LRRC40: variants seen among roughly 807,000 people sequenced by gnomAD.
The protein encoded by LRRC40 is leucine rich repeat containing 40, also known as leucine-rich repeat-containing protein 40.
In LRRC40, 76 loss-of-function variants were observed where a neutral mutation model predicts 72.8. The ratio of observed to expected loss-of-function variants is 1.04; its 90% CI spans 0.87 to 1.26. LRRC40 has a LOEUF of 1.26. Among genes scored for constraint, LRRC40 ranks in the 50% most tolerant of loss-of-function variants. The pLI is 0.00. For missense variants in LRRC40, 684 were observed against 698.9 expected, an observed-to-expected ratio of 0.98 and a Z score of 0.24; for synonymous variants, 243 against 254.2, an observed-to-expected ratio of 0.96 and a Z score of 0.42.
At chr1:70,173,353 G>C (rs1668037779) in intron 9 of LRRC40, 112 bp downstream of exon 9, 3 of 716,482 alleles carry the variant, frequency 4.2e-6, no homozygotes, top group Non-Finnish European at 7.2e-6. Context: ...ACACATGCCA[G>C]GATCTATTAC....
intron 1 of LRRC40, among the ~76,000 whole-genome samples, chr1:70,193,765 C>A (rs75002571): frequency 0.078 from 11,839 of 151,936 alleles, 716 homozygotes; most frequent in East Asian, 0.3. Context: ...TGATCCAGTG[C>A]GAGTTATCTT....
intron 1 of LRRC40, among the ~76,000 whole-genome samples, chr1:70,190,722 T>G: frequency 9.6e-6 from 1 of 104,256 alleles, no homozygotes; most frequent in Non-Finnish European, 1.9e-5. Flanking sequence ...AGAAAAAAAC[T>G]GAGCTATCTA....
At position 70,201,272 on chromosome 1, in the gene LRRC40, C is replaced by T. The variant is rs75551774; in HGVS notation, c.151+4118G>A. On this transcript the variant is annotated intron_variant, in intron 1 of 14. Transcript: ENST00000370952. Reference sequence around the variant, plus strand: ...GATAATAACACTTTTTTTAGATTAACATATACTAAAAATACAACATGCAAG... The same window carrying T: ...GATAATAACACTTTTTTTAGATTAATATATACTAAAAATACAACATGCAAG... Among the ~76,000 whole-genome samples, 1,249 of 152,194 alleles carry T rather than the reference C, an allele frequency of 8.2e-3. 16 individuals carry two copies. Among genetic ancestry groups the T allele is most frequent in the African/African-American group, 0.029 (1,191 of 41,544 alleles).
At chr1:70,198,330 G>A (rs957037972) in intron 1 of LRRC40, among the ~76,000 whole-genome samples, 1 of 152,152 alleles carries the variant, frequency 6.6e-6, no homozygotes, top group Non-Finnish European at 1.5e-5. Flanking sequence ...CAGATCAACA[G>A]TGCAGTTTCC....
At chr1:70,151,249 T>C (rs756997877) in intron 12 of LRRC40, 44 bp from the exon 13 acceptor site, 1 of 895,904 alleles carries the variant, frequency 1.1e-6, no homozygotes, top group Non-Finnish European at 1.8e-6. Flanking sequence ...GTTTGAAAAA[T>C]TTTACAAGTT....
At chr1:70,173,296 T>G (rs528125800) in intron 9 of LRRC40, among the ~76,000 whole-genome samples, 169 bp downstream of exon 9, 3 of 152,182 alleles carry the variant, frequency 2.0e-5, no homozygotes, top group Admixed American at 6.5e-5. Flanking sequence ...AAGATATTTT[T>G]ATAACCTCAG....
At chr1:70,169,291 G>A (rs574262824) in intron 9 of LRRC40, among the ~76,000 whole-genome samples, 1 of 152,262 alleles carries the variant, frequency 6.6e-6, no homozygotes, top group Admixed American at 6.5e-5. Flanking sequence ...TGTGCTACTT[G>A]TTGCACCCTT....
intron 1 of LRRC40, among the ~76,000 whole-genome samples, chr1:70,204,909 C>A (rs1168698847): frequency 6.6e-6 from 1 of 152,108 alleles, no homozygotes; most frequent in African/African-American, 2.4e-5. Context: ...CTCATTATTC[C>A]TTGTAAGTAG....
intron 5 of LRRC40, among the ~76,000 whole-genome samples, chr1:70,179,933 G>A (rs1668204382): frequency 6.6e-6 from 1 of 151,732 alleles, no homozygotes; most frequent in Non-Finnish European, 1.5e-5. Context: ...TTAATCTAAA[G>A]CAAAACAACA....
At chr1:70,154,916 A>T (rs1007103996) in intron 11 of LRRC40, among the ~76,000 whole-genome samples, 5 of 152,146 alleles carry the variant, frequency 3.3e-5, no homozygotes, top group Admixed American at 2.6e-4. Context: ...CCTGTCCAAA[A>T]ACTATACAGC....
intron 1 of LRRC40, among the ~76,000 whole-genome samples, chr1:70,195,545 C>T (rs760967287): frequency 2.0e-5 from 3 of 152,182 alleles, no homozygotes; most frequent in Non-Finnish European, 4.4e-5. Flanking sequence ...AGACTGAATA[C>T]AAAGTGCTGG....
chr1:70,158,579 TC>T (rs1398650941), intron 10 of LRRC40, among the ~76,000 whole-genome samples: 1 of 152,188 alleles, frequency 6.6e-6, no homozygotes, highest in Non-Finnish European at 1.5e-5. Context: ...TTCATATACT[TC>T]CATAAAAAAT....
intron 9 of LRRC40, among the ~76,000 whole-genome samples, chr1:70,161,028 C>CT (rs954435103): frequency 2.0e-5 from 3 of 150,926 alleles, no homozygotes; most frequent in African/African-American, 7.3e-5. Flanking sequence ...GTACAAGTGA[C>CT]TGACAAGAAC....
chr1:70,172,528 C>T (rs1238951119), intron 9 of LRRC40, among the ~76,000 whole-genome samples: 1 of 152,102 alleles, frequency 6.6e-6, no homozygotes, highest in East Asian at 1.9e-4. Flanking sequence ...CTGTAACTTC[C>T]ACTAAGTTCA....
At chr1:70,187,239 T>C in intron 3 of LRRC40, 26 bp downstream of exon 3, 1 of 1,136,892 alleles carries the variant, frequency 8.8e-7, no homozygotes, top group Non-Finnish European at 1.3e-6. Flanking sequence ...AGGGCAATAA[T>C]ATAAGTAAAT....
intron 12 of LRRC40, 48 bp downstream of exon 12, chr1:70,152,385 G>A (rs750863608): frequency 3.1e-6 from 3 of 971,198 alleles, no homozygotes; most frequent in Admixed American, 2.1e-5. Context: ...AAAACTCAAA[G>A]ACAAGTTATA....
At chr1:70,188,511 G>T (rs758571994) in intron 2 of LRRC40, among the ~76,000 whole-genome samples, 7 of 151,958 alleles carry the variant, frequency 4.6e-5, no homozygotes, top group Non-Finnish European at 8.8e-5. Flanking sequence ...GAGGCAGGAG[G>T]AGAGTTTGAG....
At chr1:70,160,807 T>A (rs896999517) in intron 9 of LRRC40, among the ~76,000 whole-genome samples, 1 of 152,150 alleles carries the variant, frequency 6.6e-6, no homozygotes, top group Non-Finnish European at 1.5e-5. Flanking sequence ...TTGTTGTTTT[T>A]TTTAACCATG....
chr1:70,194,401 T>C (rs1668564979), intron 1 of LRRC40, among the ~76,000 whole-genome samples: 1 of 152,050 alleles, frequency 6.6e-6, no homozygotes, highest in Admixed American at 6.5e-5. Context: ...GATCTGTATA[T>C]GAAAATACAA....
Sources: allele counts gnomAD v4.1 joint callset (sites outside exome capture counted in the v4.1 genomes callset), GRCh38; gene constraint gnomAD v4.1.1; transcripts MANE v1.5; gene names NCBI Gene and HGNC (gene_info 2026-07-23, HGNC 2026-07-21).